The following BMAL1 variants were observed in gnomAD, a reference collection of about 807,000 sequenced individuals.
BMAL1 encodes the protein basic helix-loop-helix ARNT like 1, also known as basic helix-loop-helix ARNT-like protein 1.
At chr11:13,376,596 G>T in the BMAL1 span, 1 of 1,593,650 alleles carries the variant, frequency 6.3e-7, no homozygotes, top group South Asian at 1.1e-5. Flanking sequence ...GCACAGTTCT[G>T]AGCAGGCCTG....
chr11:13,293,924 C>A, the BMAL1 span, among the ~76,000 whole-genome samples: 2 of 152,176 alleles, frequency 1.3e-5, no homozygotes, highest in South Asian at 4.1e-4. Flanking sequence ...TGATAAGATG[C>A]AGTTATAAAA....
the BMAL1 span, among the ~76,000 whole-genome samples, chr11:13,363,687 T>C: frequency 1.2e-4 from 18 of 152,250 alleles, no homozygotes; most frequent in Non-Finnish European, 2.4e-4. Context: ...CAGTTTACAA[T>C]GTCTACGTTA....
At chr11:13,371,930 G>T in the BMAL1 span, among the ~76,000 whole-genome samples, 1 of 152,194 alleles carries the variant, frequency 6.6e-6, no homozygotes, top group Non-Finnish European at 1.5e-5. Context: ...CTTCCTTGGT[G>T]TATGTAATGA....
At chr11:13,356,176 T>A in the BMAL1 span, 1 of 434,194 alleles carries the variant, frequency 2.3e-6, no homozygotes, top group Admixed American at 2.5e-5. Flanking sequence ...AATCTAGGGG[T>A]TCCCACCTAC....
the BMAL1 span, among the ~76,000 whole-genome samples, chr11:13,361,414 C>T: frequency 2.0e-5 from 3 of 152,082 alleles, no homozygotes; most frequent in African/African-American, 4.8e-5. Flanking sequence ...GAAGGATACC[C>T]GCTTCCACCT....
chr11:13,292,395 A>AG, the BMAL1 span, among the ~76,000 whole-genome samples: 9 of 151,788 alleles, frequency 5.9e-5, no homozygotes, highest in Admixed American at 1.3e-4. Context: ...TACAAAAAAA[A>AG]AATTACCTGG....
chr11:13,299,769 C>T, the BMAL1 span, among the ~76,000 whole-genome samples: 2 of 152,118 alleles, frequency 1.3e-5, no homozygotes, highest in East Asian at 1.9e-4. Flanking sequence ...GCTGAGAAGT[C>T]GGAGGCCTTG....
chr11:13,341,404 C>T, the BMAL1 span, among the ~76,000 whole-genome samples: 2 of 152,330 alleles, frequency 1.3e-5, no homozygotes, highest in East Asian at 3.9e-4. Context: ...AATGTTCTTC[C>T]CATTCCCCCC....
the BMAL1 span, chr11:13,358,427 T>C: frequency 6.5e-7 from 1 of 1,544,242 alleles, no homozygotes; most frequent in Non-Finnish European, 8.7e-7. Context: ...TTCATATTGT[T>C]GTTCAGGGAA....
At chr11:13,318,204 A>G in the BMAL1 span, among the ~76,000 whole-genome samples, 2 of 152,346 alleles carry the variant, frequency 1.3e-5, no homozygotes, top group Admixed American at 1.3e-4. Context: ...TACCCCTTAG[A>G]TACTGTGTAT....
the BMAL1 span, among the ~76,000 whole-genome samples, chr11:13,287,202 A>G: frequency 6.6e-6 from 1 of 152,198 alleles, no homozygotes; most frequent in African/African-American, 2.4e-5. Flanking sequence ...CAGTGTTCAA[A>G]TGACTTAGGT....
At chr11:13,350,971 G>C in the BMAL1 span, among the ~76,000 whole-genome samples, 2 of 152,174 alleles carry the variant, frequency 1.3e-5, no homozygotes, top group African/African-American at 4.8e-5. Flanking sequence ...GTATGTACTA[G>C]AAAGTATTCT....
the BMAL1 span, among the ~76,000 whole-genome samples, chr11:13,321,825 T>A: frequency 1.3e-5 from 2 of 152,218 alleles, no homozygotes; most frequent in Non-Finnish European, 2.9e-5. Flanking sequence ...TTAAAGACTA[T>A]GTGAAAGAAT....
chr11:13,364,834 A>G, the BMAL1 span, among the ~76,000 whole-genome samples: 1 of 123,248 alleles, frequency 8.1e-6, no homozygotes, highest in East Asian at 2.2e-4. Flanking sequence ...TGCTTTTCTG[A>G]ATGCAAATAG....
At chr11:13,353,714 G>A in the BMAL1 span, among the ~76,000 whole-genome samples, 6 of 152,122 alleles carry the variant, frequency 3.9e-5, no homozygotes, top group African/African-American at 9.7e-5. Flanking sequence ...GCTTCCCAGC[G>A]TTTTGGATGG....
chr11:13,381,315 G>A, the BMAL1 span: 8 of 1,547,172 alleles, frequency 5.2e-6, no homozygotes, highest in African/African-American at 2.7e-5. Flanking sequence ...TGAAATGTTG[G>A]GGGTGGGAGT....
the BMAL1 span, chr11:13,379,918 A>G: frequency 6.6e-6 from 1 of 152,252 alleles, no homozygotes; most frequent in Admixed American, 6.5e-5. Flanking sequence ...TAGGATGCTG[A>G]ACAAGCATCC....
the BMAL1 span, among the ~76,000 whole-genome samples, chr11:13,336,642 C>A: frequency 1.3e-5 from 2 of 152,278 alleles, no homozygotes; most frequent in Admixed American, 1.3e-4. Context: ...AGAGAGCAAC[C>A]GTCACTAGGG....
chr11:13,369,195 C>T, the BMAL1 span, among the ~76,000 whole-genome samples: 1 of 152,200 alleles, frequency 6.6e-6, no homozygotes, highest in African/African-American at 2.4e-5. Context: ...ATATCCTACC[C>T]ATCCTTCAGT....
Sources: gnomAD v4.1 joint callset for allele counts (sites outside exome capture counted in the v4.1 genomes callset) on GRCh38, gnomAD v4.1.1 for gene constraint, MANE v1.5 for transcripts, NCBI Gene and HGNC (gene_info 2026-07-23, HGNC 2026-07-21) for gene names.